Variants in DNM3 observed in about 807,000 individuals in gnomAD.
The protein encoded by DNM3 is dynamin-3.
Under a neutral mutation model 101.6 loss-of-function variants are expected in DNM3, and 47 were observed. The ratio of observed to expected loss-of-function variants is 0.46; its 90% CI spans 0.37 to 0.59. DNM3 has a LOEUF of 0.59. DNM3 is among the 20% of genes least tolerant of loss of function. DNM3 has a pLI of 0.00. For synonymous variants in DNM3, 385 were observed against 387.9 expected, an observed-to-expected ratio of 0.99 and a Z score of 0.09; for missense variants, 849 against 1,085.7, an observed-to-expected ratio of 0.78 and a Z score of 3.06.
At chr1:171,865,166 A>G (rs191051038) in intron 1 of DNM3, among the ~76,000 whole-genome samples, 3 of 152,200 alleles carry the variant, frequency 2.0e-5, no homozygotes, top group Non-Finnish European at 4.4e-5. Context: ...ATTCTTTTCT[A>G]TAACTATTTA....
chr1:172,120,429 G>A (rs746909183), intron 13 of DNM3, among the ~76,000 whole-genome samples: 1 of 152,188 alleles, frequency 6.6e-6, no homozygotes, highest in Non-Finnish European at 1.5e-5. Context: ...TTTGCATGGG[G>A]ACAGAGCCAA....
chr1:171,961,108 C>T (rs553414808), intron 2 of DNM3, among the ~76,000 whole-genome samples: 4 of 152,194 alleles, frequency 2.6e-5, no homozygotes, highest in South Asian at 2.1e-4. Context: ...TTCCAGACAG[C>T]GCTCAGATTC....
intron 14 of DNM3, among the ~76,000 whole-genome samples, chr1:172,247,867 T>C (rs2062020655): frequency 6.6e-6 from 1 of 151,972 alleles, no homozygotes; most frequent in Non-Finnish European, 1.5e-5. Context: ...GTATTTTTAG[T>C]AGAAACAGGG....
chr1:172,245,426 G>A (rs1409645321), intron 14 of DNM3, among the ~76,000 whole-genome samples: 2 of 152,198 alleles, frequency 1.3e-5, no homozygotes, highest in Non-Finnish European at 2.9e-5. Flanking sequence ...GAGGAACCAA[G>A]CACAAGGGAT....
downstream of DNM3, among the ~76,000 whole-genome samples, chr1:172,417,440 CT>C (rs1399002445): frequency 6.6e-6 from 1 of 152,214 alleles, no homozygotes; most frequent in Non-Finnish European, 1.5e-5. Context: ...TGAAGCACAA[CT>C]TGGACCCTCA....
intron 1 of DNM3, among the ~76,000 whole-genome samples, chr1:171,844,702 TTGG>T (rs2031797095): frequency 6.6e-6 from 1 of 152,180 alleles, no homozygotes; most frequent in Non-Finnish European, 1.5e-5. Context: ...GATTGTTCTT[TTGG>T]TGGTGCAGGA....
chr1:172,028,516 G>A (rs571513395), intron 4 of DNM3, among the ~76,000 whole-genome samples: 3 of 152,172 alleles, frequency 2.0e-5, no homozygotes, highest in African/African-American at 7.2e-5. Flanking sequence ...AACTAGAGAA[G>A]CAAGAGCAAA....
intron 1 of DNM3, among the ~76,000 whole-genome samples, chr1:171,882,768 C>A (rs539125884): frequency 1.8e-4 from 27 of 151,904 alleles, no homozygotes; most frequent in Non-Finnish European, 3.7e-4. Flanking sequence ...GTTTTATAGA[C>A]CAATCCTTTA....
rs187217972 is a variant in DNM3 at position 171,978,759 on chromosome 1, G to A, written c.236-8897G>A. Reference sequence around the variant, plus strand: ...TTTTATGGTAGTACAGGTTAGAGGTGGAGCAGGCTTAGAAGTAGCATGGCC... The same window carrying A: ...TTTTATGGTAGTACAGGTTAGAGGTAGAGCAGGCTTAGAAGTAGCATGGCC... On this transcript the variant is annotated intron_variant, in intron 2 of 20. Coordinates refer to ENST00000627582, the MANE Select transcript of DNM3 (RefSeq NM_015569.5). Among the ~76,000 whole-genome samples, 201 of 152,258 alleles carry A rather than the reference G, an allele frequency of 1.3e-3. 2 individuals are homozygous for A. The highest frequency in any genetic ancestry group is 4.6e-3 in the African/African-American group (190 of 41,538).
intron 14 of DNM3, among the ~76,000 whole-genome samples, chr1:172,249,424 G>A (rs1191720910): frequency 2.6e-5 from 4 of 151,900 alleles, no homozygotes; most frequent in South Asian, 2.1e-4. Flanking sequence ...TGTTTCTTCC[G>A]TTTCTTCTAA....
At chr1:172,163,881 G>A (rs2058643493) in intron 14 of DNM3, among the ~76,000 whole-genome samples, 1 of 114,754 alleles carries the variant, frequency 8.7e-6, no homozygotes, top group Non-Finnish European at 1.7e-5. Context: ...GTATATGTAT[G>A]TGTATATATG....
chr1:172,086,843 C>A (rs904549442), intron 12 of DNM3, among the ~76,000 whole-genome samples: 3 of 152,164 alleles, frequency 2.0e-5, no homozygotes, highest in Admixed American at 6.5e-5. Context: ...ATCGTATAAT[C>A]TGTGCTGTTC....
At chr1:171,945,629 G>C (rs1277751198) in intron 2 of DNM3, among the ~76,000 whole-genome samples, 1 of 152,098 alleles carries the variant, frequency 6.6e-6, no homozygotes, top group East Asian at 1.9e-4. Flanking sequence ...AAGTTGAGTT[G>C]GTAGTCTAAG....
intron 1 of DNM3, among the ~76,000 whole-genome samples, chr1:171,865,836 A>C (rs1020259483): frequency 5.9e-5 from 9 of 152,192 alleles, no homozygotes; most frequent in African/African-American, 2.2e-4. Context: ...ATCAGGGTTT[A>C]GCTGGGTGGG....
At chr1:172,013,496 C>T (rs1036944936) in intron 4 of DNM3, among the ~76,000 whole-genome samples, 8 of 151,930 alleles carry the variant, frequency 5.3e-5, no homozygotes, top group South Asian at 2.1e-4. Flanking sequence ...TATGTAGTTC[C>T]TGTTTTTGAA....
intron 2 of DNM3, chr1:171,987,256 C>T (rs1247520274): frequency 1.0e-6 from 1 of 975,844 alleles, no homozygotes; most frequent in African/African-American, 1.8e-5. Flanking sequence ...ACTTGGCATT[C>T]CATCCTGATG....
At chr1:172,417,777 G>T (rs915452797) in intron 20 of DNM3, among the ~76,000 whole-genome samples, 1 of 151,994 alleles carries the variant, frequency 6.6e-6, no homozygotes, top group South Asian at 2.1e-4. Flanking sequence ...TTGATCTCTT[G>T]ACACCTTCTA....
At chr1:172,324,191 G>C (rs993021038) in intron 17 of DNM3, among the ~76,000 whole-genome samples, 3 of 152,138 alleles carry the variant, frequency 2.0e-5, no homozygotes, top group African/African-American at 7.2e-5. Flanking sequence ...TTTCTATGGA[G>C]ATACATTAGT....
intron 15 of DNM3, among the ~76,000 whole-genome samples, chr1:172,305,606 G>C (rs1034042849): frequency 8.6e-5 from 13 of 152,026 alleles, no homozygotes; most frequent in Non-Finnish European, 1.5e-4. Context: ...AACAATATCC[G>C]TGATGAACAT....
Sources: gnomAD v4.1 joint callset for allele counts (sites outside exome capture counted in the v4.1 genomes callset) on GRCh38, gnomAD v4.1.1 for gene constraint, MANE v1.5 for transcripts, NCBI Gene and HGNC (gene_info 2026-07-23, HGNC 2026-07-21) for gene names.